PIWIL1: variants seen among roughly 807,000 people sequenced by gnomAD.
The protein encoded by PIWIL1 is piwi like RNA-mediated gene silencing 1, also known as piwi-like protein 1.
In PIWIL1, 73 loss-of-function variants were observed where a neutral mutation model predicts 114.4. The ratio of observed to expected loss-of-function variants is 0.64; its 90% confidence interval spans 0.53 to 0.78. The LOEUF is 0.78. Ranked by LOEUF, PIWIL1 falls within the 30% of genes least tolerant of loss-of-function variation. The probability of loss-of-function intolerance (pLI) is 0.00; values close to 1 mark genes in which losing one functional copy is unlikely to be tolerated. For missense variants in PIWIL1, 723 were observed against 1,063.1 expected, an observed-to-expected ratio of 0.68 and a Z score of 4.45; for synonymous variants, 375 against 369.0, an observed-to-expected ratio of 1.02 and a Z score of -0.19.
In PIWIL1 at chr12:130,337,921, G is replaced by GCGCCCGGGAGGCGGTGTTCATC. The variant is rs2072753242; in HGVS notation, c.-228_-207dup. The GCGCCCGGGAGGCGGTGTTCATC allele has an allele frequency of 6.2e-6, 1 of 161,092 alleles. No homozygotes were observed. The highest frequency in any genetic ancestry group is 1.3e-5 in the Non-Finnish European group (1 of 74,328). 10.0% of individuals were successfully genotyped at this position (161,092 alleles called of 1,614,324 possible). A position where few individuals can be genotyped will look rare whatever the true frequency, so the allele number is the denominator to read the frequency against. On this transcript the variant is annotated 5_prime_UTR_variant, in exon 1 of 21. An upstream open reading frame in the 5' UTR loses its in-frame stop. Coordinates refer to ENST00000245255, the MANE Select transcript of PIWIL1 (RefSeq NM_004764.5). ...CGTATGGCGTACAGACACGAGGCCG[G>GCGCCCGGGAGGCGGTGTTCATC]CGCCCGGGAGGCGGTGTTCATCCGC... is the stretch of plus-strand genomic sequence containing the variant.
intron 14 of PIWIL1, among the ~76,000 whole-genome samples, chr12:130,360,074 T>G (rs1423475655): frequency 1.3e-5 from 2 of 152,214 alleles, no homozygotes; most frequent in East Asian, 3.9e-4. Context: ...TGAGTTTTCA[T>G]ACAGCCACAT....
the PIWIL1 span, among the ~76,000 whole-genome samples, chr12:130,377,936 A>G: frequency 1.3e-5 from 2 of 152,222 alleles, no homozygotes; most frequent in African/African-American, 4.8e-5. Context: ...CTTTCTGGAC[A>G]GCGCAAGAAT....
the PIWIL1 span, among the ~76,000 whole-genome samples, chr12:130,377,908 G>T: frequency 6.6e-6 from 1 of 152,198 alleles, no homozygotes; most frequent in Non-Finnish European, 1.5e-5. Context: ...TGGAGAGCGG[G>T]AGTAGTACAT....
the PIWIL1 span, chr12:130,414,233 G>A: frequency 6.2e-7 from 1 of 1,613,974 alleles, no homozygotes. Context: ...TCCGGGCCGG[G>A]AGCTCTTCGG....
the PIWIL1 span, among the ~76,000 whole-genome samples, chr12:130,390,657 A>G: frequency 6.6e-6 from 1 of 152,180 alleles, no homozygotes; most frequent in East Asian, 1.9e-4. Flanking sequence ...TCTCTGACTC[A>G]AGGATCTCAT....
the PIWIL1 span, among the ~76,000 whole-genome samples, chr12:130,400,832 A>C: frequency 1.3e-5 from 2 of 152,258 alleles, no homozygotes; most frequent in African/African-American, 4.8e-5. Context: ...GCACATGAAA[A>C]GATGCCAGTC....
chr12:130,407,940 CT>C, the PIWIL1 span: 6 of 905,582 alleles, frequency 6.6e-6, no homozygotes, highest in Non-Finnish European at 9.1e-6. Flanking sequence ...CCTGGCACTG[CT>C]AACAGGGCCA....
At chr12:130,411,705 G>A in the PIWIL1 span, among the ~76,000 whole-genome samples, 2 of 152,136 alleles carry the variant, frequency 1.3e-5, no homozygotes, top group South Asian at 4.1e-4. Flanking sequence ...AGTGAGTAGA[G>A]GGGATAAAGG....
At chr12:130,367,876 TA>T (rs2136193845) in intron 19 of PIWIL1, among the ~76,000 whole-genome samples, 1 of 152,300 alleles carries the variant, frequency 6.6e-6, no homozygotes, top group East Asian at 1.9e-4. Context: ...CGGCTCGCTG[TA>T]ACCTCTGCCT....
the PIWIL1 span, chr12:130,424,534 C>T: frequency 8.1e-7 from 1 of 1,231,990 alleles, no homozygotes; most frequent in Non-Finnish European, 1.0e-6. This position sits in a 1 kb window ranked among gnomAD's most constrained non-coding sequence, Gnocchi z 9.8. Context: ...CTCCGGGTGG[C>T]CGAGCGGCTG....
chr12:130,376,112 C>T (rs1341940154), downstream of PIWIL1, among the ~76,000 whole-genome samples: 3 of 152,296 alleles, frequency 2.0e-5, no homozygotes, highest in African/African-American at 7.2e-5. Flanking sequence ...GCCCAGTTTC[C>T]TCCCTGAACT....
chr12:130,391,863 C>A, the PIWIL1 span, among the ~76,000 whole-genome samples: 1 of 152,148 alleles, frequency 6.6e-6, no homozygotes, highest in African/African-American at 2.4e-5. Context: ...GGCCTGTGAC[C>A]ACGAGAGCCT....
intron 4 of PIWIL1, 46 bp from the exon 5 acceptor site, chr12:130,346,324 A>C: frequency 6.9e-7 from 1 of 1,450,748 alleles, no homozygotes; most frequent in Non-Finnish European, 9.6e-7. Context: ...TTTCAAGGAA[A>C]AATAAACTTG....
chr12:130,406,270 C>T, the PIWIL1 span: 13 of 1,494,116 alleles, frequency 8.7e-6, no homozygotes, highest in African/African-American at 6.9e-5. Context: ...TAAAATTAAT[C>T]GTATTTTTCT....
chr12:130,399,290 C>T, the PIWIL1 span: 3 of 480,548 alleles, frequency 6.2e-6, no homozygotes, highest in East Asian at 4.5e-5. Context: ...GTTCAATATG[C>T]TTGAGAAGCC....
chr12:130,373,457 C>T (rs532102104), downstream of PIWIL1, among the ~76,000 whole-genome samples: 1 of 152,214 alleles, frequency 6.6e-6, no homozygotes, highest in South Asian at 2.1e-4. Flanking sequence ...AGAGACCCCA[C>T]TATATCAAGA....
At chr12:130,338,691 T>G (rs1439917134) in intron 1 of PIWIL1, among the ~76,000 whole-genome samples, 1 of 49,658 alleles carries the variant, frequency 2.0e-5, no homozygotes, top group African/African-American at 9.2e-5. Flanking sequence ...AGGTCCCAGG[T>G]GCGGGGGATG....
chr12:130,349,107 G>T (rs1281318418), intron 7 of PIWIL1, 132 bp from the exon 8 acceptor site: 3 of 600,420 alleles, frequency 5.0e-6, no homozygotes, highest in Non-Finnish European at 9.0e-6. Flanking sequence ...GTAAATCCTA[G>T]AAATAAGGAA....
chr12:130,376,757 C>T (rs2073869738), downstream of PIWIL1, among the ~76,000 whole-genome samples: 1 of 152,216 alleles, frequency 6.6e-6, no homozygotes, highest in Admixed American at 6.5e-5. Flanking sequence ...CTGCTCTTGC[C>T]TTTGCCCCGA....
Sources: gnomAD v4.1 joint callset for allele counts (sites outside exome capture counted in the v4.1 genomes callset) on GRCh38, gnomAD v4.1.1 for gene constraint, Gnocchi (gnomAD v3.1) non-coding constraint, MANE v1.5 for transcripts, NCBI Gene and HGNC (gene_info 2026-07-23, HGNC 2026-07-21) for gene names.